The following TMPRSS5 variants were observed in gnomAD, a reference collection of about 807,000 sequenced individuals.
TMPRSS5 encodes the protein transmembrane serine protease 5.
A neutral mutation model predicts 59.7 loss-of-function variants in TMPRSS5; 45 were observed. The observed-to-expected ratio is 0.75, with a 90% CI of 0.59 to 0.97. The LOEUF is 0.97. Ranked by LOEUF, TMPRSS5 falls within the 50% of genes least tolerant of loss-of-function variation. The pLI is 0.00. For missense variants in TMPRSS5, 585 were observed against 596.7 expected, an observed-to-expected ratio of 0.98 and a Z score of 0.20; for synonymous variants, 225 against 232.0, an observed-to-expected ratio of 0.97 and a Z score of 0.27.
chr11:113,697,686 G>A (rs951391668), intron 4 of TMPRSS5, among the ~76,000 whole-genome samples: 3 of 152,180 alleles, frequency 2.0e-5, no homozygotes, highest in Admixed American at 6.5e-5. Flanking sequence ...TGTGCAATGA[G>A]TACTGCCATC....
intron 4 of TMPRSS5, among the ~76,000 whole-genome samples, chr11:113,698,178 T>A (rs2134810716): frequency 6.6e-6 from 1 of 152,286 alleles, no homozygotes. Flanking sequence ...GATCTTGGAC[T>A]TCTAGCCACC....
At position 113,690,384 on chromosome 11, in the gene TMPRSS5, C is replaced by A; in HGVS notation, c.1064-11G>T. 2 of 1,598,168 alleles carry A rather than the reference C, an allele frequency of 1.3e-6. No individual in the cohort carries two copies. Among genetic ancestry groups the A allele is most frequent in the Non-Finnish European group, 1.7e-6 (2 of 1,175,026 alleles). On this transcript the variant is annotated splice_polypyrimidine_tract_variant and intron_variant, in intron 10 of 12. Transcript: ENST00000299882. ...TATCCGAGCTGTAAGCTATGAGAGA[C>A]ACCGAGAAAAACTGCAGGGCACAAA...
rs1230503018 is a variant in TMPRSS5 at position 113,689,860 on chromosome 11, C to T, written c.1264G>A (p.Val422Met). ...GCGCAGCCACGCCCCCAGCTGACCA[C>T]CCCCACTAGGCGCCATGTGTCCCCA... ...PDGDTWRLVG[V>M]VSWGRGCAEP... is the part of the protein sequence containing the mutation. Residue 422 changes from valine to methionine, a missense_variant, in exon 12 of 13, where the codon GTG becomes ATG. Coordinates refer to ENST00000299882, the MANE Select transcript of TMPRSS5 (RefSeq NM_030770.4). 1.9e-6 allele frequency: 3 copies of T among 1,584,666 alleles called. No homozygotes were observed. Among genetic ancestry groups the T allele is most frequent in the Middle Eastern group, 1.7e-4 (1 of 6,022 alleles).
Position 113,689,469 on chromosome 11 carries a change from G to T in TMPRSS5, c.1359+296C>A, listed in dbSNP as rs574335521. On this transcript the variant is annotated intron_variant, in intron 12 of 12. Transcript: ENST00000299882. The stretch of plus-strand genomic sequence containing the variant: ...CAATAGCATATAAGTAGCCATCATG[G>T]TTATTATCAGGAAATTAAGGTTTAA... 3.3e-5 allele frequency among the ~76,000 whole-genome samples: 5 copies of T among 152,268 alleles called. No homozygotes were observed. The South Asian group carries it at 1.0e-3, about 32-fold the overall frequency.
intron 9 of TMPRSS5, among the ~76,000 whole-genome samples, chr11:113,691,665 A>G (rs1289210464): frequency 6.6e-6 from 1 of 151,948 alleles, no homozygotes; most frequent in African/African-American, 2.4e-5. Flanking sequence ...ATTATTATCT[A>G]TTTACTATAC....
Position 113,698,989 on chromosome 11 carries a change from C to T in TMPRSS5, c.244G>A (p.Gly82Arg), listed in dbSNP as rs1232644711. Residue 82 changes from glycine to arginine, a missense_variant, in exon 4 of 13, where the codon GGG becomes AGG. Physicochemically the swap from Gly to Arg is moderately radical, Grantham distance 125 (BLOSUM62 -2). Coordinates refer to ENST00000299882, the MANE Select transcript of TMPRSS5 (RefSeq NM_030770.4). The part of the protein sequence containing the change: ...LCPAASQPIS[G>R]TLQDEEITLS... ...GTTATCTCCTCATCCTGCAAGGTCC[C>T]GGAAATGGGCTGAGAGGCAGCAGGA... 22 of 1,610,126 alleles carry T rather than the reference C, an allele frequency of 1.4e-5. No individual in the cohort carries two copies. The Admixed American group carries it at 1.7e-4, about 12-fold the overall frequency.
chr11:113,690,610 C>T (rs1472038141), intron 10 of TMPRSS5, among the ~76,000 whole-genome samples: 1 of 151,922 alleles, frequency 6.6e-6, no homozygotes, highest in Admixed American at 6.6e-5. Context: ...GCTCCTGGGA[C>T]AAGGGGAGGG....
intron 12 of TMPRSS5, 40 bp downstream of exon 12, chr11:113,689,724 CT>C: frequency 3.1e-6 from 5 of 1,587,932 alleles, no homozygotes; most frequent in Non-Finnish European, 3.4e-6. Flanking sequence ...AGGGCAGGTC[CT>C]TTAGAAATCT....
intron 9 of TMPRSS5, among the ~76,000 whole-genome samples, chr11:113,691,750 CTAAA>C (rs1462584805): frequency 2.0e-5 from 3 of 150,702 alleles, no homozygotes; most frequent in Admixed American, 6.6e-5. Context: ...TTTATTATAA[CTAAA>C]TAAGTATATT....
At chr11:113,696,753 G>A (rs1429052235) in intron 6 of TMPRSS5, 105 bp downstream of exon 6, 1 of 726,830 alleles carries the variant, frequency 1.4e-6, no homozygotes. Flanking sequence ...CCTATCATAG[G>A]CCACCAGTGT....
At position 113,699,611 on chromosome 11, in the gene TMPRSS5, A is replaced by G; in HGVS notation, c.189T>C (p.Val63=). 1.3e-6 allele frequency: 2 copies of G among 1,578,556 alleles called. No individual in the cohort carries two copies. The highest frequency in any genetic ancestry group is 1.7e-6 in the Non-Finnish European group (2 of 1,162,802). Residue 63 remains valine, a synonymous_variant, in exon 3 of 13, where the codon GTT becomes GTC. Coordinates refer to ENST00000299882, the MANE Select transcript of TMPRSS5 (RefSeq NM_030770.4). ...AGCACTGACCTAGGAGCCATGAGCCAACACCTGCACCGGCCAGCAGCCCCA... is the reference window on the plus strand; with the variant it reads ...AGCACTGACCTAGGAGCCATGAGCCGACACCTGCACCGGCCAGCAGCCCCA... ...GALGLLAGAG[V]GSWLLVLYLC...
At position 113,689,917 on chromosome 11, in the gene TMPRSS5, C is replaced by T. The variant is rs1345044716; in HGVS notation, c.1207G>A (p.Gly403Arg). The change falls in exon 12 of 13, where the codon GGA becomes AGA. Residue 403 changes from glycine (G) to arginine (R), a missense_variant and splice_region_variant. By Grantham distance (125) the Gly-to-Arg change is moderately radical. Transcript: ENST00000299882. The stretch of plus-strand genomic sequence containing the variant: ...CACACTAGGGGGCCCCCGCTATCTC[C>T]CTAAGGGATCCAGGCATGGAGACAC... Reference protein sequence around the residue: ...YLDGRADACQGDSGGPLVCPD... With the variant: ...YLDGRADACQRDSGGPLVCPD... 1.9e-6 allele frequency: 3 copies of T among 1,548,794 alleles called. No homozygotes were observed. The highest frequency in any genetic ancestry group is 2.7e-5 in the African/African-American group (2 of 73,158).
At chr11:113,701,490 G>T (rs369771691) in intron 1 of TMPRSS5, among the ~76,000 whole-genome samples, 1 of 27,982 alleles carries the variant, frequency 3.6e-5, no homozygotes, top group African/African-American at 1.5e-4. Flanking sequence ...TTTTTTTGGC[G>T]GGGGGGGGTG....
chr11:113,693,444 G>T (rs1202465304), intron 8 of TMPRSS5, among the ~76,000 whole-genome samples, 195 bp from the exon 9 acceptor site: 3 of 152,180 alleles, frequency 2.0e-5, no homozygotes, highest in Non-Finnish European at 4.4e-5. Flanking sequence ...CATGCAGTAG[G>T]TGCTTAATAA....
In TMPRSS5 at chr11:113,690,277, C is replaced by A. The variant is rs755529400; in HGVS notation, c.1160G>T (p.Arg387Leu). Residue 387 changes from arginine to leucine, a missense_variant, in exon 11 of 13, where the codon CGC becomes CTC. Arg to Leu is a moderately radical substitution (Grantham distance 102). Coordinates refer to ENST00000299882, the MANE Select transcript of TMPRSS5 (RefSeq NM_030770.4). The stretch of plus-strand genomic sequence containing the variant: ...GTCCAGGTAGCCAGCGCAAAGCATG[C>A]GGGGGGTGAGGGCTCCGCTGTACAC... ...SCVYSGALTP[R>L]MLCAGYLDGR... 2.6e-6 allele frequency: 4 copies of A among 1,567,242 alleles called. No homozygotes were observed. Among genetic ancestry groups the A allele is most frequent in the Non-Finnish European group, 2.6e-6 (3 of 1,157,392 alleles).
chr11:113,697,363 C>T lies in TMPRSS5; in HGVS notation c.384G>A (p.Gln128=). ...CATGGCAGACCAGGAGCCAGCGTGG[C>T]TGATCCCTCACTTGCGCTTCCAGCA... ...DFLLEAQVRD[Q]PRWLLVCHEG... is the part of the protein sequence containing the mutation. Residue 128 remains glutamine (Q), a synonymous_variant, in exon 5 of 13, where the codon CAG becomes CAA. Coordinates refer to ENST00000299882, the MANE Select transcript of TMPRSS5 (RefSeq NM_030770.4). The T allele has an allele frequency of 1.2e-6, 2 of 1,613,846 alleles. No individual in the cohort carries two copies. The highest frequency in any genetic ancestry group is 1.7e-6 in the Non-Finnish European group (2 of 1,179,736).
rs952731126 is a variant in TMPRSS5, at chr11:113,687,910, G to C, written c.*350C>G. The C allele has an allele frequency of 7.6e-5, 19 of 249,240 alleles. No individual in the cohort carries two copies. The highest frequency in any genetic ancestry group is 4.1e-4 in the African/African-American group (18 of 44,404). 15.4% of individuals were successfully genotyped at this position (249,240 alleles called of 1,614,324 possible). Reference sequence around the variant, plus strand: ...CTCACACAGGGGCAGGGAGGGGAGAGGGCAGAAGGGCAGGCTTCCTGCTGC... The same window carrying C: ...CTCACACAGGGGCAGGGAGGGGAGACGGCAGAAGGGCAGGCTTCCTGCTGC... On this transcript the variant is annotated 3_prime_UTR_variant, in exon 13 of 13. Transcript: ENST00000299882.
chr11:113,694,692 A>T, intron 7 of TMPRSS5, 52 bp from the exon 8 acceptor site: 2 of 1,491,156 alleles, frequency 1.3e-6, no homozygotes, highest in Non-Finnish European at 1.8e-6. Flanking sequence ...GAGTGTCAGC[A>T]TGGTCCTAAC....
chr11:113,694,652 G>C lies in TMPRSS5; in HGVS notation c.623-12C>G. The C allele has an allele frequency of 6.5e-7, 1 of 1,533,282 alleles. No individual in the cohort carries two copies. The highest frequency in any genetic ancestry group is 8.8e-7 in the Non-Finnish European group (1 of 1,139,918). The allele number at this position is 1,533,282 out of a possible 1,614,324, so 95.0% of individuals were successfully genotyped here. On this transcript the variant is annotated splice_polypyrimidine_tract_variant and intron_variant, in intron 7 of 12. Transcript: ENST00000299882. ...CCTCGCTCCACACTCTGCCAACAGA[G>C]ATGGGTGAGATAGAAAGAGAGAGAG...
Sources: gnomAD v4.1 joint callset for allele counts (sites outside exome capture counted in the v4.1 genomes callset) on GRCh38, gnomAD v4.1.1 for gene constraint, MANE v1.5 for transcripts, NCBI Gene and HGNC (gene_info 2026-07-23, HGNC 2026-07-21) for gene names.